METTL8: variants seen among roughly 807,000 people sequenced by gnomAD.
The protein encoded by METTL8 is tRNA N(3)-cytidine methyltransferase METTL8, mitochondrial.
A neutral mutation model predicts 48.7 loss-of-function variants in METTL8; 32 were observed. The observed-to-expected ratio is 0.66, with a 90% confidence interval of 0.50 to 0.88. The LOEUF (loss-of-function observed/expected upper bound fraction) is 0.88, where lower values mean the gene tolerates loss of function less well. Ranked by LOEUF, METTL8 falls within the 40% of genes least tolerant of loss-of-function variation. The pLI is 0.00. For synonymous variants in METTL8, 136 were observed against 157.1 expected, an observed-to-expected ratio of 0.87 and a Z score of 1.01; for missense variants, 464 against 474.4, an observed-to-expected ratio of 0.98 and a Z score of 0.20.
intron 3 of METTL8, among the ~76,000 whole-genome samples, chr2:171,345,995 G>C (rs908514781): frequency 2.0e-5 from 3 of 152,102 alleles, no homozygotes; most frequent in African/African-American, 7.2e-5. Flanking sequence ...CAATCTTATT[G>C]AAAGAAATGA....
At chr2:171,353,563 T>C (rs577063826) in intron 3 of METTL8, among the ~76,000 whole-genome samples, 9 of 152,296 alleles carry the variant, frequency 5.9e-5, no homozygotes, top group South Asian at 2.1e-4. Context: ...ATGTTGACAG[T>C]GGGGTGTTAA....
chr2:171,382,274 A>G (rs1687627549), intron 2 of METTL8, among the ~76,000 whole-genome samples: 1 of 152,186 alleles, frequency 6.6e-6, no homozygotes, highest in African/African-American at 2.4e-5. Flanking sequence ...CTGCAGCACT[A>G]TTTACAATAG....
chr2:171,370,508 C>T (rs976764701), intron 2 of METTL8, among the ~76,000 whole-genome samples: 10 of 151,748 alleles, frequency 6.6e-5, no homozygotes, highest in Admixed American at 2.0e-4. Context: ...AAACAGCATA[C>T]GGGCTGGGCA....
At chr2:171,352,391 A>G (rs1398772974) in intron 3 of METTL8, among the ~76,000 whole-genome samples, 1 of 152,162 alleles carries the variant, frequency 6.6e-6, no homozygotes, top group Non-Finnish European at 1.5e-5. Context: ...TTTCACATCA[A>G]TGTTCATCAG....
chr2:171,364,043 C>A (rs1685471886), intron 2 of METTL8, among the ~76,000 whole-genome samples: 1 of 151,604 alleles, frequency 6.6e-6, no homozygotes, highest in South Asian at 2.1e-4. Flanking sequence ...CAACTCCTGA[C>A]CTCAGGTGAT....
At chr2:171,332,040 C>G in intron 5 of METTL8, 173 bp from the exon 6 acceptor site, 4 of 515,928 alleles carry the variant, frequency 7.8e-6, no homozygotes, top group Non-Finnish European at 1.4e-5. Context: ...TGTGCCTCAC[C>G]ATGCCCAGCT....
chr2:171,392,870 G>A (rs2105566134), intron 1 of METTL8, among the ~76,000 whole-genome samples: 1 of 151,986 alleles, frequency 6.6e-6, no homozygotes. Flanking sequence ...GCCGAGGCAG[G>A]TGGGTCACTT....
rs1684379246 is a variant in METTL8, at chr2:171,318,681, C to T, written c.*5491G>A. On this transcript the variant is annotated 3_prime_UTR_variant, in exon 10 of 10. Coordinates refer to ENST00000375258, the MANE Select transcript of METTL8 (RefSeq NM_001321154.2). Reference sequence around the variant, plus strand: ...ATTTGTAATTGTGGACAAGTGTAACCTACTTATTTGCTAGAATGATTGGAT... The same window carrying T: ...ATTTGTAATTGTGGACAAGTGTAACTTACTTATTTGCTAGAATGATTGGAT... The T allele has an allele frequency of 6.6e-6, 1 of 152,022 alleles. No individual in the cohort carries two copies. Among genetic ancestry groups the T allele is most frequent in the Admixed American group, 6.6e-5 (1 of 15,244 alleles). 9.4% of individuals were successfully genotyped at this position (152,022 alleles called of 1,614,324 possible). A position where few individuals can be genotyped will look rare whatever the true frequency, so the allele number is the denominator to read the frequency against.
chr2:171,378,643 TAAAAAAATAAAAAA>T (rs1454455684), intron 2 of METTL8, among the ~76,000 whole-genome samples: 2 of 150,552 alleles, frequency 1.3e-5, no homozygotes, highest in Non-Finnish European at 3.0e-5. Context: ...AAAATAAAAA[TAAAAAAATAAAAAA>T]AGAAGGGTAT....
chr2:171,330,462 T>A, intron 7 of METTL8, 97 bp downstream of exon 7: 5 of 1,215,822 alleles, frequency 4.1e-6, no homozygotes, highest in Non-Finnish European at 5.8e-6. Flanking sequence ...CACTAAATAA[T>A]AAATTCAAAA....
chr2:171,431,614 G>T (rs771618524), intron 1 of METTL8, among the ~76,000 whole-genome samples: 3 of 152,178 alleles, frequency 2.0e-5, no homozygotes, highest in Non-Finnish European at 4.4e-5. Flanking sequence ...CTTGGACACA[G>T]GACAAGAGCT....
chr2:171,357,203 C>T (rs986897637), intron 3 of METTL8, among the ~76,000 whole-genome samples: 6 of 151,964 alleles, frequency 3.9e-5, no homozygotes, highest in Non-Finnish European at 8.8e-5. Flanking sequence ...AAGTGATCTG[C>T]CCACCCTGGC....
rs1288581415 is a variant in METTL8 at position 171,323,709 on chromosome 2, C to T, written c.*463G>A. On this transcript the variant is annotated 3_prime_UTR_variant, in exon 10 of 10. Coordinates refer to ENST00000375258, the MANE Select transcript of METTL8 (RefSeq NM_001321154.2). ...AAGACAAAAAATAATACACTTTGACCTTGGGCTTGTTGTAGCTTTCCCTGG... is the reference window on the plus strand; with the variant it reads ...AAGACAAAAAATAATACACTTTGACTTTGGGCTTGTTGTAGCTTTCCCTGG... 6.6e-6 allele frequency: 1 copy of T among 152,614 alleles called. No homozygotes were observed. The highest frequency in any genetic ancestry group is 2.4e-5 in the African/African-American group (1 of 41,408). The allele number at this position is 152,614 out of a possible 1,614,324, so 9.5% of individuals were successfully genotyped here.
intron 3 of METTL8, among the ~76,000 whole-genome samples, chr2:171,349,739 T>C (rs1383623326): frequency 6.6e-6 from 1 of 152,182 alleles, no homozygotes; most frequent in Admixed American, 6.5e-5. Context: ...GGAACTTCCA[T>C]ACTGTTTTCC....
chr2:171,428,996 A>G (rs944829425), intron 1 of METTL8, among the ~76,000 whole-genome samples: 1 of 152,220 alleles, frequency 6.6e-6, no homozygotes, highest in African/African-American at 2.4e-5. Context: ...TATTCTACCC[A>G]AAGAGATTCA....
At chr2:171,417,213 G>T (rs1352660694) in intron 1 of METTL8, among the ~76,000 whole-genome samples, 9 of 152,150 alleles carry the variant, frequency 5.9e-5, no homozygotes, top group Admixed American at 5.9e-4. Context: ...CATGAAACTG[G>T]GTTGGGGATT....
intron 3 of METTL8, among the ~76,000 whole-genome samples, chr2:171,342,728 T>A (rs1674887919): frequency 6.6e-6 from 1 of 152,194 alleles, no homozygotes; most frequent in Non-Finnish European, 1.5e-5. Flanking sequence ...AGTATTTGAG[T>A]TTACAATATC....
intron 2 of METTL8, among the ~76,000 whole-genome samples, chr2:171,378,167 T>C (rs1278916492): frequency 1.3e-5 from 2 of 152,154 alleles, no homozygotes; most frequent in African/African-American, 2.4e-5. Flanking sequence ...TCAAGACCCA[T>C]TGGTGTGCTG....
Position 171,360,513 on chromosome 2 carries a change from C to G in METTL8, c.144G>C (p.Trp48Cys). ...DPAKVFEHNM[W>C]DHMQWSKEEE... ...CTTCCTTAGACCACTGCATGTGATC[C>G]CTATTAAAAAAAAATAGACTGTAAA... is the stretch of plus-strand genomic sequence containing the variant. Residue 48 changes from tryptophan (W) to cysteine (C), a missense_variant and splice_region_variant, in exon 3 of 10, where the codon TGG becomes TGC. Trp to Cys is a radical substitution (Grantham distance 215). Coordinates refer to ENST00000375258, the MANE Select transcript of METTL8 (RefSeq NM_001321154.2). 1.2e-6 allele frequency: 2 copies of G among 1,609,054 alleles called. No homozygotes were observed. The highest frequency in any genetic ancestry group is 1.7e-6 in the Non-Finnish European group (2 of 1,178,762).
Sources: gnomAD v4.1 joint callset for allele counts (sites outside exome capture counted in the v4.1 genomes callset) on GRCh38, gnomAD v4.1.1 for gene constraint, MANE v1.5 for transcripts, NCBI Gene and HGNC (gene_info 2026-07-23, HGNC 2026-07-21) for gene names.